Variants in CDH4 observed in about 807,000 individuals in gnomAD.
The protein encoded by CDH4 is cadherin 4, also known as cadherin-4.
In CDH4, 33 loss-of-function variants were observed where a neutral mutation model predicts 86.0. The observed-to-expected ratio is 0.38, with a 90% CI of 0.29 to 0.51. The LOEUF (loss-of-function observed/expected upper bound fraction) is 0.51. Among genes scored for constraint, CDH4 ranks in the 20% least tolerant of loss-of-function variants. The pLI is 0.86. For missense variants in CDH4, 1,114 were observed against 1,307.4 expected, an observed-to-expected ratio of 0.85 and a Z score of 2.28; for synonymous variants, 555 against 549.4, an observed-to-expected ratio of 1.01 and a Z score of -0.14.
chr20:61,847,684 A>G (rs1387919173), intron 5 of CDH4, among the ~76,000 whole-genome samples: 7 of 152,218 alleles, frequency 4.6e-5, no homozygotes, highest in African/African-American at 1.7e-4. Flanking sequence ...TGCAGGCTGT[A>G]CAGGAAGTAT....
intron 2 of CDH4, among the ~76,000 whole-genome samples, chr20:61,281,853 A>G (rs2084260789): frequency 6.6e-6 from 1 of 152,246 alleles, no homozygotes; most frequent in Non-Finnish European, 1.5e-5. Context: ...GTTAGACACG[A>G]AAGAAAACAC....
At chr20:61,534,912 T>C in intron 2 of CDH4, among the ~76,000 whole-genome samples, 1 of 151,174 alleles carries the variant, frequency 6.6e-6, no homozygotes, top group African/African-American at 2.4e-5. Flanking sequence ...GCTGGGACGC[T>C]CCTTTGGAGC....
chr20:61,331,137 T>C (rs923446041), intron 2 of CDH4, among the ~76,000 whole-genome samples: 1 of 152,084 alleles, frequency 6.6e-6, no homozygotes, highest in African/African-American at 2.4e-5. Flanking sequence ...GGGAAGGCTG[T>C]CTTGGGGCTC....
intron 4 of CDH4, among the ~76,000 whole-genome samples, chr20:61,842,277 C>G (rs1357833676): frequency 6.6e-6 from 1 of 152,228 alleles, no homozygotes; most frequent in Non-Finnish European, 1.5e-5. Flanking sequence ...TGGCTGGCAT[C>G]TCTGCTGGGT....
At chr20:61,298,846 T>A (rs1319817212) in intron 2 of CDH4, among the ~76,000 whole-genome samples, 1 of 151,372 alleles carries the variant, frequency 6.6e-6, no homozygotes, top group African/African-American at 2.4e-5. Context: ...CAAAAGCAAG[T>A]GCACTAGTGT....
intron 4 of CDH4, among the ~76,000 whole-genome samples, chr20:61,790,361 CCATT>C (rs1262122865): frequency 6.6e-6 from 1 of 151,720 alleles, no homozygotes; most frequent in African/African-American, 2.4e-5. Flanking sequence ...CTTCATCCAT[CCATT>C]CATCTCTCCA....
At chr20:61,581,972 G>A (rs560317484) in intron 2 of CDH4, among the ~76,000 whole-genome samples, 1 of 152,302 alleles carries the variant, frequency 6.6e-6, no homozygotes. Context: ...CCCAGCGTTC[G>A]GCATGGCTGA....
chr20:61,554,812 A>C (rs771022156), intron 2 of CDH4, among the ~76,000 whole-genome samples: 19 of 152,264 alleles, frequency 1.2e-4, no homozygotes, highest in Non-Finnish European at 2.4e-4. Flanking sequence ...ATGTATGCAC[A>C]TGCGTGTGAG....
intron 2 of CDH4, among the ~76,000 whole-genome samples, chr20:61,502,122 C>T (rs2085706641): frequency 1.3e-5 from 2 of 152,010 alleles, no homozygotes; most frequent in Non-Finnish European, 2.9e-5. Context: ...AAGCAGTGAG[C>T]CAGAAAAAAA....
rs138959907 is a variant in CDH4 at position 61,759,657 on chromosome 20, A to ATT, written c.397-13337_397-13336dup. ...TCCCTTAACTTGCTAATTTAATTTA[A>ATT]TTTTTTTTTTACTATGAATATATTT... On this transcript the variant is annotated intron_variant, in intron 3 of 15. Coordinates refer to ENST00000614565, the MANE Select transcript of CDH4 (RefSeq NM_001794.5). Among the ~76,000 whole-genome samples the ATT allele has an allele frequency of 3.7e-3, 552 of 150,738 alleles. 4 individuals carry two copies. The highest frequency in any genetic ancestry group is 0.013 in the African/African-American group (521 of 41,086).
intron 2 of CDH4, among the ~76,000 whole-genome samples, chr20:61,636,835 G>A (rs985081720): frequency 1.3e-5 from 2 of 152,228 alleles, no homozygotes; most frequent in East Asian, 3.9e-4. Context: ...GCCAGGCTTT[G>A]CAGGAAGATT....
At chr20:61,575,150 C>T (rs1217948211) in intron 2 of CDH4, among the ~76,000 whole-genome samples, 1 of 152,302 alleles carries the variant, frequency 6.6e-6, no homozygotes, top group Non-Finnish European at 1.5e-5. Context: ...GGGTCAGCTT[C>T]AGGAGCAGCT....
intron 9 of CDH4, among the ~76,000 whole-genome samples, chr20:61,919,178 T>C (rs1182501125): frequency 6.6e-6 from 1 of 152,226 alleles, no homozygotes; most frequent in Non-Finnish European, 1.5e-5. Flanking sequence ...GCCTTATTGA[T>C]GTGATTTTTA....
chr20:61,562,715 A>G (rs1201835712), intron 2 of CDH4, among the ~76,000 whole-genome samples: 1 of 152,250 alleles, frequency 6.6e-6, no homozygotes, highest in Non-Finnish European at 1.5e-5. Flanking sequence ...CCACCTTGCC[A>G]TGGGAATGGT....
At chr20:61,273,619 G>A in intron 2 of CDH4, among the ~76,000 whole-genome samples, 1 of 145,280 alleles carries the variant, frequency 6.9e-6, no homozygotes, top group African/African-American at 2.6e-5. Flanking sequence ...GGCAGTTTGG[G>A]GGATTACTGC....
intron 2 of CDH4, among the ~76,000 whole-genome samples, chr20:61,568,757 A>T (rs1442073390): frequency 6.6e-6 from 1 of 152,058 alleles, no homozygotes; most frequent in Non-Finnish European, 1.5e-5. Context: ...CCTGACTTCC[A>T]GCCTTAGGCT....
chr20:61,756,073 G>A (rs537344260), intron 3 of CDH4, among the ~76,000 whole-genome samples: 1 of 152,298 alleles, frequency 6.6e-6, no homozygotes, highest in East Asian at 1.9e-4. Flanking sequence ...ACTGTGGGCC[G>A]AGCTCTCATG....
rs146926215 is a variant in CDH4 at position 61,731,535 on chromosome 20, G to A, written c.170-12028G>A. Reference sequence around the variant, plus strand: ...TCCCCCCCAGGTGGGGTGAAGCAGAGGCTTCAGGGCAGCCTCAGCTCCTCC... The same window carrying A: ...TCCCCCCCAGGTGGGGTGAAGCAGAAGCTTCAGGGCAGCCTCAGCTCCTCC... On this transcript the variant is annotated intron_variant, in intron 2 of 15. Transcript: ENST00000614565. Among the ~76,000 whole-genome samples, 674 of 152,324 alleles carry A rather than the reference G, an allele frequency of 4.4e-3. 7 individuals carry two copies. The highest frequency in any genetic ancestry group is 0.015 in the African/African-American group (631 of 41,590).
chr20:61,937,107 C>T lies in CDH4; in HGVS notation c.*164C>T, dbSNP rs2055201619. 2 of 493,024 alleles carry T rather than the reference C, an allele frequency of 4.1e-6. No homozygotes were observed. Among genetic ancestry groups the T allele is most frequent in the Non-Finnish European group, 6.8e-6 (2 of 294,538 alleles). The allele number at this position is 493,024 out of a possible 1,614,324, so 30.5% of individuals were successfully genotyped here. On this transcript the variant is annotated 3_prime_UTR_variant, in exon 16 of 16. Transcript: ENST00000614565. ...GAGCTGTCTAGCATGAGCACCCACC[C>T]CCACAGCGCCCTGCACCCGGCCGCT...
Sources: allele counts gnomAD v4.1 joint callset (sites outside exome capture counted in the v4.1 genomes callset), GRCh38; gene constraint gnomAD v4.1.1; transcripts MANE v1.5; gene names NCBI Gene and HGNC (gene_info 2026-07-23, HGNC 2026-07-21).